Variants in NR2F1-AS1 observed in about 807,000 individuals in gnomAD.
NR2F1-AS1 encodes NR2F1 regulatory antisense RNA 1, also known as NR2F1 antisense RNA 1.
intron 4 of NR2F1-AS1, among the ~76,000 whole-genome samples, chr5:93,528,143 C>T (rs1393534282): frequency 6.6e-6 from 1 of 151,970 alleles, no homozygotes; most frequent in East Asian, 1.9e-4. Flanking sequence ...AGAACTTAAA[C>T]AAATTTACAA....
chr5:93,533,547 T>C (rs1295391838), intron 4 of NR2F1-AS1, among the ~76,000 whole-genome samples: 1 of 152,082 alleles, frequency 6.6e-6, no homozygotes, highest in Non-Finnish European at 1.5e-5. Context: ...GGGCAGCCAC[T>C]AGATAAATGG....
At chr5:93,500,297 T>A (rs2149885256) in intron 4 of NR2F1-AS1, among the ~76,000 whole-genome samples, 1 of 152,324 alleles carries the variant, frequency 6.6e-6, no homozygotes, top group South Asian at 2.1e-4. Flanking sequence ...GACTTTAGGT[T>A]GGAGCCAATG....
At chr5:93,505,010 GT>G (rs1435521941) in intron 4 of NR2F1-AS1, among the ~76,000 whole-genome samples, 2 of 152,282 alleles carry the variant, frequency 1.3e-5, no homozygotes, top group East Asian at 3.9e-4. Context: ...GACCAGGCAA[GT>G]CCCTTCCGCC....
At chr5:93,568,824 A>T (rs1432413777) in intron 1 of NR2F1-AS1, among the ~76,000 whole-genome samples, 1 of 152,188 alleles carries the variant, frequency 6.6e-6, no homozygotes, top group African/African-American at 2.4e-5. Context: ...TAATCCAGTG[A>T]AATCTTACAC....
At chr5:93,457,987 CGTT>C (rs1487008441) in intron 4 of NR2F1-AS1, among the ~76,000 whole-genome samples, 1 of 152,140 alleles carries the variant, frequency 6.6e-6, no homozygotes, top group Non-Finnish European at 1.5e-5. Flanking sequence ...GGGAATCTCT[CGTT>C]AACTTGTCCT....
chr5:93,569,334 G>A (rs1201429612), intron 1 of NR2F1-AS1, among the ~76,000 whole-genome samples: 1 of 152,188 alleles, frequency 6.6e-6, no homozygotes, highest in Non-Finnish European at 1.5e-5. Flanking sequence ...TCCAGAATCA[G>A]AAAGCGGGTT....
chr5:93,465,399 T>C (rs1260271064), intron 4 of NR2F1-AS1, among the ~76,000 whole-genome samples: 1 of 152,188 alleles, frequency 6.6e-6, no homozygotes, highest in Admixed American at 6.5e-5. Flanking sequence ...CCAGTTAGAA[T>C]GGCGATCATT....
At chr5:93,522,419 T>G (rs897782720) in intron 4 of NR2F1-AS1, among the ~76,000 whole-genome samples, 6 of 152,294 alleles carry the variant, frequency 3.9e-5, no homozygotes, top group African/African-American at 1.4e-4. Context: ...TGTTGATAAA[T>G]TTAAAGAATG....
chr5:93,456,342 A>C (rs1749946467), intron 4 of NR2F1-AS1, among the ~76,000 whole-genome samples: 2 of 152,242 alleles, frequency 1.3e-5, no homozygotes, highest in South Asian at 4.1e-4. Flanking sequence ...GCAATTTACA[A>C]TAGCAACCAA....
intron 4 of NR2F1-AS1, among the ~76,000 whole-genome samples, chr5:93,453,639 C>T (rs535400747): frequency 1.1e-4 from 16 of 151,964 alleles, no homozygotes; most frequent in African/African-American, 3.4e-4. Context: ...AGAATAAAAT[C>T]AAGAATGATA....
At chr5:93,572,101 G>C (rs747551955) in intron 1 of NR2F1-AS1, among the ~76,000 whole-genome samples, 4 of 152,208 alleles carry the variant, frequency 2.6e-5, no homozygotes, top group Admixed American at 6.5e-5. Context: ...ATCCCAATAC[G>C]CCTGGCACTG....
At position 93,495,772 on chromosome 5, in the gene NR2F1-AS1, A is replaced by G. The variant is rs1028504838; in HGVS notation, n.638+57989T>C. ...ATGATGATTTGTATATCATATACAC[A>G]AATATGATGAAGAGGAAATTATTTC... is the stretch of plus-strand genomic sequence containing the variant. On this transcript the variant is annotated intron_variant and non_coding_transcript_variant, in intron 4 of 5. Coordinates refer to ENST00000660523, the Ensembl canonical transcript of NR2F1-AS1. Among the ~76,000 whole-genome samples the G allele has an allele frequency of 5.3e-5, 8 of 152,246 alleles. No homozygotes were observed. The East Asian group carries it at 1.5e-3, about 29-fold the overall frequency.
chr5:93,448,047 C>T (rs905493399), intron 4 of NR2F1-AS1, among the ~76,000 whole-genome samples: 4 of 151,892 alleles, frequency 2.6e-5, no homozygotes, highest in African/African-American at 9.7e-5. Context: ...CAGGGCCTGT[C>T]GTGGGGTGGA....
intron 4 of NR2F1-AS1, among the ~76,000 whole-genome samples, chr5:93,413,202 ATATAT>A (rs1748897331): frequency 6.7e-6 from 1 of 148,584 alleles, no homozygotes. Context: ...ATATATGTAT[ATATAT>A]GTATATATAT....
At chr5:93,523,416 G>A (rs1751545412) in intron 4 of NR2F1-AS1, among the ~76,000 whole-genome samples, 1 of 152,186 alleles carries the variant, frequency 6.6e-6, no homozygotes, top group Admixed American at 6.5e-5. Flanking sequence ...GCAGCTGTGG[G>A]TGCAGCTTCA....
At chr5:93,471,947 A>G (rs1438786137) in intron 4 of NR2F1-AS1, among the ~76,000 whole-genome samples, 4 of 151,916 alleles carry the variant, frequency 2.6e-5, no homozygotes, top group Non-Finnish European at 1.5e-5. Flanking sequence ...ACCGCTTGAA[A>G]AAGGTATAGA....
chr5:93,535,932 A>C (rs1378427236), intron 4 of NR2F1-AS1, among the ~76,000 whole-genome samples: 1 of 152,142 alleles, frequency 6.6e-6, no homozygotes, highest in Non-Finnish European at 1.5e-5. Context: ...ATTCAACATA[A>C]TACTGAAAGT....
intron 4 of NR2F1-AS1, among the ~76,000 whole-genome samples, chr5:93,467,520 ATTTGAC>A (rs1750264754): frequency 6.6e-6 from 1 of 152,222 alleles, no homozygotes; most frequent in South Asian, 2.1e-4. Flanking sequence ...CGTTCAGTTG[ATTTGAC>A]TTTAAGTCCC....
intron 4 of NR2F1-AS1, among the ~76,000 whole-genome samples, chr5:93,545,742 T>C (rs539543840): frequency 1.3e-5 from 2 of 152,362 alleles, no homozygotes; most frequent in Non-Finnish European, 2.9e-5. Flanking sequence ...TCTTCTTTTG[T>C]TGTTAATTTC....
Sources: gnomAD v4.1 joint callset for allele counts (sites outside exome capture counted in the v4.1 genomes callset) on GRCh38, gnomAD v4.1.1 for gene constraint, MANE v1.5 for transcripts, NCBI Gene and HGNC (gene_info 2026-07-23, HGNC 2026-07-21) for gene names.